SDC3: variants seen among roughly 807,000 people sequenced by gnomAD.
SDC3 encodes syndecan-3.
SDC3 carries 13 observed loss-of-function variants against 24.4 expected under a neutral mutation model. The observed-to-expected ratio is 0.53, with a 90% CI of 0.35 to 0.85. The LOEUF (loss-of-function observed/expected upper bound fraction) is 0.85, where lower values mean the gene tolerates loss of function less well. Ranked by LOEUF, SDC3 falls within the 40% of genes least tolerant of loss-of-function variation. The pLI is 0.01. For synonymous variants in SDC3, 295 were observed against 260.9 expected (o/e 1.13, Z -1.26); for missense variants, 571 against 584.5 (o/e 0.98, Z 0.24).
chr1:30,899,657 A>G (rs1454365713), intron 1 of SDC3, among the ~76,000 whole-genome samples: 2 of 152,138 alleles, frequency 1.3e-5, no homozygotes, highest in African/African-American at 4.8e-5. Context: ...GGCGTGAGCT[A>G]CCTCGCCCAG....
In SDC3 at chr1:30,879,662, G is replaced by A. The variant is rs1639709458; in HGVS notation, c.139-922C>T. On this transcript the variant is annotated intron_variant, in intron 1 of 4. Coordinates refer to ENST00000339394, the MANE Select transcript of SDC3 (RefSeq NM_014654.4). ...AGCAGGGACCCAGGCTCCGGCTCCT[G>A]CCCCTGCCCAGGGCTGTCTTCACTG... Among the ~76,000 whole-genome samples, 3 of 152,088 alleles carry A rather than the reference G, an allele frequency of 2.0e-5. No individual in the cohort carries two copies. In the South Asian group the frequency reaches 6.2e-4, roughly 32 times the overall value.
intron 1 of SDC3, among the ~76,000 whole-genome samples, chr1:30,888,493 C>T (rs1639862906): frequency 6.6e-6 from 1 of 152,154 alleles, no homozygotes; most frequent in African/African-American, 2.4e-5. Flanking sequence ...TTCCAGCTGT[C>T]CCGGGAGCCT....
At chr1:30,887,915 C>T (rs1297990679) in intron 1 of SDC3, among the ~76,000 whole-genome samples, 2 of 152,234 alleles carry the variant, frequency 1.3e-5, no homozygotes, top group Non-Finnish European at 2.9e-5. Flanking sequence ...CAAGAGTTCT[C>T]TCTGATCCCT....
intron 1 of SDC3, among the ~76,000 whole-genome samples, chr1:30,886,629 T>G (rs764374204): frequency 4.6e-5 from 7 of 152,142 alleles, no homozygotes; most frequent in Non-Finnish European, 8.8e-5. Flanking sequence ...TCTGGCCTTG[T>G]TGAGTCTAAA....
chr1:30,883,762 C>G (rs762160042), intron 1 of SDC3, among the ~76,000 whole-genome samples: 1 of 151,940 alleles, frequency 6.6e-6, no homozygotes, highest in African/African-American at 2.4e-5. Context: ...TTGCTTATCA[C>G]GAAAGGAGGG....
At chr1:30,878,402 T>C (rs1407368631) in intron 2 of SDC3, 16 of 505,708 alleles carry the variant, frequency 3.2e-5, no homozygotes, top group Non-Finnish European at 5.4e-5. Context: ...CCTGGAGACC[T>C]GGACATTCTG....
chr1:30,903,432 C>T (rs1638453394), intron 1 of SDC3, among the ~76,000 whole-genome samples: 1 of 152,196 alleles, frequency 6.6e-6, no homozygotes, highest in Non-Finnish European at 1.5e-5. Flanking sequence ...GGCACACACA[C>T]AAATGTACAC....
intron 1 of SDC3, among the ~76,000 whole-genome samples, chr1:30,889,290 A>C (rs1324820029): frequency 1.3e-5 from 2 of 152,262 alleles, no homozygotes; most frequent in Non-Finnish European, 2.9e-5. Context: ...CTAGTGACCC[A>C]GAACAAGCTG....
chr1:30,883,493 CTT>C (rs1289264919), intron 1 of SDC3, among the ~76,000 whole-genome samples: 5 of 152,212 alleles, frequency 3.3e-5, no homozygotes, highest in Non-Finnish European at 7.3e-5. Flanking sequence ...TGCTGGGTGA[CTT>C]TGGATGTGTT....
chr1:30,878,890 G>C, intron 1 of SDC3, 150 bp from the exon 2 acceptor site: 1 of 646,296 alleles, frequency 1.5e-6, no homozygotes, highest in East Asian at 2.6e-5. Flanking sequence ...GTGCGTGTGT[G>C]AATAATTCAC....
chr1:30,878,638 C>A lies in SDC3; in HGVS notation c.241G>T (p.Gly81Trp). ...GGGTACTTACAGCCCGAGCCCGACC[C>A]CGAGTAGAGGTCATCCAGTTCATCA... Reference protein sequence around the residue: ...PDDELDDLYSGSGSGYFEQES... With the variant: ...PDDELDDLYSWSGSGYFEQES... The change falls in exon 2 of 5, where the codon GGG becomes TGG. Residue 81 changes from glycine to tryptophan, a missense_variant. Physicochemically the swap from Gly to Trp is radical, Grantham distance 184. Transcript: ENST00000339394. 6.2e-7 allele frequency: 1 copy of A among 1,613,822 alleles called. No homozygotes were observed. Among genetic ancestry groups the A allele is most frequent in the East Asian group, 2.2e-5 (1 of 44,874 alleles).
intron 1 of SDC3, among the ~76,000 whole-genome samples, chr1:30,891,249 G>A (rs1201049680): frequency 2.6e-5 from 4 of 152,194 alleles, no homozygotes; most frequent in African/African-American, 9.7e-5. Flanking sequence ...CTGTCCCCAT[G>A]GCTGTCTAGG....
chr1:30,900,360 G>A (rs1557526130), intron 1 of SDC3, among the ~76,000 whole-genome samples: 2 of 152,134 alleles, frequency 1.3e-5, no homozygotes, highest in Admixed American at 1.3e-4. Context: ...CTGTCTCCCT[G>A]ACACAGGGAG....
chr1:30,874,254 G>A, intron 4 of SDC3, 43 bp downstream of exon 4: 2 of 1,513,198 alleles, frequency 1.3e-6, no homozygotes, highest in Non-Finnish European at 1.8e-6. Context: ...GTCTCACTCT[G>A]GTATCCTCCC....
chr1:30,874,265 A>T (rs1282306777), intron 4 of SDC3, 32 bp downstream of exon 4: 1 of 1,555,978 alleles, frequency 6.4e-7, no homozygotes, highest in South Asian at 1.2e-5. Context: ...GTATCCTCCC[A>T]GGCTCCCCTT....
chr1:30,873,064 C>T lies in SDC3; in HGVS notation c.*147G>A. 1 of 678,940 alleles carries T rather than the reference C, an allele frequency of 1.5e-6. No individual in the cohort carries two copies. The highest frequency in any genetic ancestry group is 2.6e-6 in the Non-Finnish European group (1 of 378,154). 42.1% of individuals were successfully genotyped at this position (678,940 alleles called of 1,614,324 possible). On this transcript the variant is annotated 3_prime_UTR_variant, in exon 5 of 5. Transcript: ENST00000339394. ...TTCCTCGGGGAAGATCTGTGTGAGG[C>T]TGGCAGCCTGGGCAGACCTTGGGAG...
chr1:30,882,916 A>G (rs912591744), intron 1 of SDC3, among the ~76,000 whole-genome samples: 4 of 152,218 alleles, frequency 2.6e-5, no homozygotes, highest in African/African-American at 9.7e-5. Flanking sequence ...TGATGAGAAG[A>G]CTACGCAGCT....
intron 1 of SDC3, among the ~76,000 whole-genome samples, chr1:30,905,852 A>G (rs996598523): frequency 7.4e-6 from 1 of 134,574 alleles, no homozygotes; most frequent in Non-Finnish European, 1.6e-5. Context: ...AGATGCCAGG[A>G]GACAGACACA....
intron 1 of SDC3, among the ~76,000 whole-genome samples, chr1:30,891,367 C>A (rs1446794112): frequency 2.6e-5 from 4 of 152,248 alleles, no homozygotes; most frequent in African/African-American, 7.2e-5. Flanking sequence ...AGCCGCCAAG[C>A]CCCTCGGGTG....
Sources: allele counts gnomAD v4.1 joint callset (sites outside exome capture counted in the v4.1 genomes callset), GRCh38; gene constraint gnomAD v4.1.1; transcripts MANE v1.5; gene names NCBI Gene and HGNC (gene_info 2026-07-23, HGNC 2026-07-21).